LEMD1: variants seen among roughly 807,000 people sequenced by gnomAD.
LEMD1 encodes LEM domain containing 1, also known as LEM domain-containing protein 1.
LEMD1 carries 18 observed loss-of-function variants against 17.4 expected under a neutral mutation model. The ratio of observed to expected loss-of-function variants is 1.04; its 90% CI spans 0.72 to 1.54. The LOEUF (loss-of-function observed/expected upper bound fraction) is 1.54. LEMD1 is among the 40% of genes most tolerant of loss of function. The probability of loss-of-function intolerance (pLI) is 0.00; values close to 1 mark genes in which losing one functional copy is unlikely to be tolerated. For synonymous variants in LEMD1, 88 were observed against 77.8 expected (o/e 1.13, Z -0.69); for missense variants, 195 against 210.4 (o/e 0.93, Z 0.45).
At chr1:205,386,107 G>A (rs972565106) in intron 4 of LEMD1, 3 of 152,426 alleles carry the variant, frequency 2.0e-5, no homozygotes, top group African/African-American at 7.2e-5. Flanking sequence ...ATGTGGTCAG[G>A]ACACAACAAT....
chr1:205,442,962 A>T (rs1038819258), intron 1 of LEMD1, among the ~76,000 whole-genome samples: 1 of 152,050 alleles, frequency 6.6e-6, no homozygotes, highest in East Asian at 1.9e-4. Flanking sequence ...TCATTACCTC[A>T]TTTCAGTGTA....
chr1:205,428,133 T>C (rs1666080901), intron 1 of LEMD1, among the ~76,000 whole-genome samples: 1 of 152,254 alleles, frequency 6.6e-6, no homozygotes, highest in South Asian at 2.1e-4. Flanking sequence ...ATGGTGGTTT[T>C]TTGTTTCCAT....
At chr1:205,417,195 A>G (rs1457433515) in intron 3 of LEMD1, among the ~76,000 whole-genome samples, 2 of 152,244 alleles carry the variant, frequency 1.3e-5, no homozygotes, top group Non-Finnish European at 2.9e-5. Flanking sequence ...ACAGAATTGC[A>G]TTACAAGGGT....
At position 205,384,459 on chromosome 1, in the gene LEMD1, C is replaced by T. The variant is rs1203787629; in HGVS notation, c.271-95G>A. The T allele has an allele frequency of 4.4e-5, 32 of 730,396 alleles. No homozygotes were observed. The Admixed American group carries it at 7.5e-4, about 17-fold the overall frequency. The allele number at this position is 730,396 out of a possible 1,614,324, so 45.2% of individuals were successfully genotyped here. On this transcript the variant is annotated intron_variant, in intron 4 of 5. Transcript: ENST00000367153. ...ATTCTAGAAAAAGTCACATAATATGCCAAAAGTTCTTGGCACATTAGGTAG... is the reference window on the plus strand; with the variant it reads ...ATTCTAGAAAAAGTCACATAATATGTCAAAAGTTCTTGGCACATTAGGTAG...
At chr1:205,431,282 T>C (rs1435820718) in intron 1 of LEMD1, among the ~76,000 whole-genome samples, 2 of 152,238 alleles carry the variant, frequency 1.3e-5, no homozygotes, top group African/African-American at 4.8e-5. Flanking sequence ...CCCAACACCG[T>C]GCTAGATGCA....
At chr1:205,447,454 T>G (rs528649797) in intron 1 of LEMD1, among the ~76,000 whole-genome samples, 1 of 152,228 alleles carries the variant, frequency 6.6e-6, no homozygotes, top group South Asian at 2.1e-4. Context: ...TGGTCTGTCT[T>G]AGACAGACTG....
intron 4 of LEMD1, among the ~76,000 whole-genome samples, chr1:205,396,991 CTT>C (rs1248864697): frequency 6.6e-6 from 1 of 152,158 alleles, no homozygotes; most frequent in African/African-American, 2.4e-5. Flanking sequence ...TTCCTCCCCA[CTT>C]GGGCAAATTC....
intron 4 of LEMD1, among the ~76,000 whole-genome samples, chr1:205,390,998 C>A (rs1664302717): frequency 6.9e-6 from 1 of 144,808 alleles, no homozygotes; most frequent in Non-Finnish European, 1.5e-5. Flanking sequence ...AAGCCCAATT[C>A]TCAGCACCGC....
intron 4 of LEMD1, among the ~76,000 whole-genome samples, chr1:205,384,615 G>A (rs1372168948): frequency 6.6e-6 from 1 of 152,192 alleles, no homozygotes; most frequent in Non-Finnish European, 1.5e-5. Context: ...CTAGGGCCAC[G>A]TGATGAGAAC....
chr1:205,402,135 G>A (rs974674480), intron 4 of LEMD1, among the ~76,000 whole-genome samples: 37 of 152,236 alleles, frequency 2.4e-4, no homozygotes, highest in South Asian at 1.7e-3. Context: ...GTCGGGTAGC[G>A]TGATGCCTTC....
At chr1:205,402,304 T>G (rs542039729) in intron 4 of LEMD1, among the ~76,000 whole-genome samples, 139 of 152,316 alleles carry the variant, frequency 9.1e-4, no homozygotes, top group African/African-American at 3.3e-3. Flanking sequence ...AGTATGGCCA[T>G]TTTCACGATA....
intron 1 of LEMD1, chr1:205,435,060 C>T (rs1575005281): frequency 6.6e-6 from 1 of 152,212 alleles, no homozygotes; most frequent in African/African-American, 2.4e-5. Flanking sequence ...CCCCAGGAAA[C>T]TTAACCATCC....
At chr1:205,407,528 A>T (rs2102403301) in intron 4 of LEMD1, among the ~76,000 whole-genome samples, 1 of 152,302 alleles carries the variant, frequency 6.6e-6, no homozygotes, top group East Asian at 1.9e-4. Context: ...TAAGGTACTT[A>T]GAGGGCAGCG....
chr1:205,440,419 GC>G (rs1207984038), intron 1 of LEMD1, among the ~76,000 whole-genome samples: 1 of 152,186 alleles, frequency 6.6e-6, no homozygotes, highest in Non-Finnish European at 1.5e-5. Flanking sequence ...AAGGATTCTT[GC>G]CCCAGGTCCT....
rs1663880562 is a variant in LEMD1, at chr1:205,384,310, A to T, written c.325T>A (p.Tyr109Asn). 3 of 1,519,072 alleles carry T rather than the reference A, an allele frequency of 2.0e-6. No homozygotes were observed. Among genetic ancestry groups the T allele is most frequent in the Non-Finnish European group, 2.6e-6 (3 of 1,133,716 alleles). The allele number at this position is 1,519,072 out of a possible 1,614,324, so 94.1% of individuals were successfully genotyped here. A position where few individuals can be genotyped will look rare whatever the true frequency, so the allele number is the denominator to read the frequency against. Residue 109 changes from tyrosine (Y) to asparagine (N), a missense_variant, in exon 5 of 6, where the codon TAT becomes AAT. Transcript: ENST00000367153. ...TACCTTCTTCCCTTGGAAGGCTTAT[A>T]ATCCAAGCAATAGGTATCTACAGCT... Reference protein sequence around the residue: ...RKAVDTYCLDYKPSKGRRWAA... With the variant: ...RKAVDTYCLDNKPSKGRRWAA...
In LEMD1 at chr1:205,420,539, T is replaced by C; in HGVS notation, c.-3A>G. ...CTCAGACACTTCACATCCACCATGA[T>C]GATAGAAGTTTGGCCTCTTTTCTGA... On this transcript the variant is annotated 5_prime_UTR_variant, in exon 2 of 6. Coordinates refer to ENST00000367153, the MANE Select transcript of LEMD1 (RefSeq NM_001199050.2). The C allele has an allele frequency of 6.2e-7, 1 of 1,613,080 alleles. No homozygotes were observed.
chr1:205,440,354 G>T (rs1265750076), intron 1 of LEMD1, among the ~76,000 whole-genome samples: 3 of 152,218 alleles, frequency 2.0e-5, no homozygotes. Flanking sequence ...CACTGGGCTG[G>T]CCACCTCAGG....
chr1:205,393,173 C>T (rs1268079699), intron 4 of LEMD1, among the ~76,000 whole-genome samples: 1 of 151,976 alleles, frequency 6.6e-6, no homozygotes, highest in Non-Finnish European at 1.5e-5. Context: ...AAAGAAAACC[C>T]AGTCTAAAGA....
intron 1 of LEMD1, among the ~76,000 whole-genome samples, chr1:205,428,369 C>T (rs1303991044): frequency 1.3e-5 from 2 of 152,112 alleles, no homozygotes; most frequent in Admixed American, 6.6e-5. Flanking sequence ...GGACTGGGTA[C>T]AGGGATATCG....
Sources: gnomAD v4.1 joint callset for allele counts (sites outside exome capture counted in the v4.1 genomes callset) on GRCh38, gnomAD v4.1.1 for gene constraint, MANE v1.5 for transcripts, NCBI Gene and HGNC (gene_info 2026-07-23, HGNC 2026-07-21) for gene names.